Variants in HTR2C observed in about 807,000 individuals in gnomAD.
HTR2C encodes 5-hydroxytryptamine receptor 2C, also known as 5-hydroxytryptamine (serotonin) receptor 2C, G protein-coupled.
HTR2C carries 5 observed loss-of-function variants against 21.0 expected under a neutral mutation model. The observed-to-expected ratio is 0.24, with a 90% CI of 0.12 to 0.50. HTR2C has a LOEUF of 0.50. Among genes scored for constraint, HTR2C ranks in the 20% least tolerant of loss-of-function variants. The probability of loss-of-function intolerance (pLI) is 0.98; values close to 1 mark genes in which losing one functional copy is unlikely to be tolerated. For missense variants in HTR2C, 271 were observed against 371.2 expected (o/e 0.73, Z 2.22); for synonymous variants, 150 against 145.3 (o/e 1.03, Z -0.23).
chrX:114,834,761 G>A (rs1229164745), intron 4 of HTR2C, among the ~76,000 whole-genome samples: 1 of 105,658 alleles, frequency 9.5e-6, no homozygotes, highest in Non-Finnish European at 1.9e-5. Context: ...ATGTTAGCTG[G>A]GTATTTTGCT....
intron 2 of HTR2C, among the ~76,000 whole-genome samples, chrX:114,644,162 G>A (rs1930243882): frequency 9.4e-6 from 1 of 105,911 alleles, no homozygotes; most frequent in Non-Finnish European, 1.9e-5. Flanking sequence ...GGCCAACATG[G>A]TGAAACCCCA....
chrX:114,906,541 C>T, intron 5 of HTR2C, 48 bp from the exon 6 acceptor site: 1 of 907,104 alleles, frequency 1.1e-6, no homozygotes, highest in Non-Finnish European at 1.6e-6. Flanking sequence ...TACATCTGTT[C>T]AGTCCTTCAA....
At chrX:114,817,518 C>G (rs1400468519) in intron 4 of HTR2C, among the ~76,000 whole-genome samples, 1 of 111,851 alleles carries the variant, frequency 8.9e-6, no homozygotes, top group Non-Finnish European at 1.9e-5. Context: ...CTTGCAGCAA[C>G]CCAGAATGTG....
chrX:114,717,254 G>A (rs907802458), intron 2 of HTR2C, among the ~76,000 whole-genome samples: 41 of 110,843 alleles, frequency 3.7e-4, no homozygotes, highest in African/African-American at 1.2e-3. Flanking sequence ...TGTATTTTTT[G>A]TAGACATGGG....
intron 2 of HTR2C, among the ~76,000 whole-genome samples, chrX:114,646,077 A>G (rs1930348980): frequency 1.8e-5 from 2 of 112,357 alleles, no homozygotes; most frequent in Non-Finnish European, 3.8e-5. Context: ...TCTTAAAACC[A>G]TTATGGGAGT....
chrX:114,876,999 G>T (rs1194803083), intron 5 of HTR2C, among the ~76,000 whole-genome samples: 1 of 111,242 alleles, frequency 9.0e-6, no homozygotes, highest in Non-Finnish European at 1.9e-5. Context: ...TGAATTTTGT[G>T]AACAAGTTTG....
In HTR2C at chrX:114,584,433, G is replaced by A. The variant is rs201865977; in HGVS notation, c.-373G>A. 1 of 112,914 alleles carries A rather than the reference G, an allele frequency of 8.9e-6. No homozygotes were observed. The allele number at this position is 112,914 out of a possible 1,213,427, so 9.3% of individuals were successfully genotyped here. ...GGAGCGAAAAGAGCCAAACCTAGCCGGGGGGCGCACGGTCACCCAAAGGAG... is the reference window on the plus strand; with the variant it reads ...GGAGCGAAAAGAGCCAAACCTAGCCAGGGGGCGCACGGTCACCCAAAGGAG... On this transcript the variant is annotated 5_prime_UTR_variant, in exon 1 of 6. Transcript: ENST00000276198.
At chrX:114,680,338 CT>C (rs1170396868) in intron 2 of HTR2C, among the ~76,000 whole-genome samples, 2 of 112,008 alleles carry the variant, frequency 1.8e-5, no homozygotes, top group African/African-American at 6.5e-5. Context: ...CCGGCGGAGC[CT>C]GATAATTAAA....
chrX:114,881,509 T>G (rs782475876), intron 5 of HTR2C, among the ~76,000 whole-genome samples: 8 of 109,374 alleles, frequency 7.3e-5, no homozygotes, highest in Non-Finnish European at 1.5e-4. Context: ...GGTTTTTTTT[T>G]TTCTGTGAAT....
rs4911870 is a variant in HTR2C at position 114,762,298 on chromosome X, A to C, written c.349+30691A>C. Among the ~76,000 whole-genome samples, 967 of 110,525 alleles carry C rather than the reference A, an allele frequency of 8.7e-3. 44 individuals carry two copies. Among genetic ancestry groups the C allele is most frequent in the Admixed American group, 0.086 (876 of 10,224 alleles). On this transcript the variant is annotated intron_variant, in intron 4 of 5. Coordinates refer to ENST00000276198, the MANE Select transcript of HTR2C (RefSeq NM_000868.4). ...GTTTGGGAATGGATCTAGAAAGTGT[A>C]GATCCATCATATTTTCCACTGTCAT...
chrX:114,708,144 T>G (rs1166205673), intron 2 of HTR2C, among the ~76,000 whole-genome samples: 1 of 111,568 alleles, frequency 9.0e-6, no homozygotes, highest in Non-Finnish European at 1.9e-5. Flanking sequence ...AATCTCAAAA[T>G]AATCACATAA....
chrX:114,900,176 C>CA (rs1302726144), intron 5 of HTR2C, among the ~76,000 whole-genome samples: 38 of 109,379 alleles, frequency 3.5e-4, no homozygotes, highest in African/African-American at 1.2e-3. Flanking sequence ...CTGCCACATG[C>CA]AAAAAAAAGG....
At chrX:114,868,908 G>A (rs1371207322) in intron 5 of HTR2C, among the ~76,000 whole-genome samples, 2 of 109,845 alleles carry the variant, frequency 1.8e-5, no homozygotes, top group East Asian at 5.8e-4. Flanking sequence ...TTGATACATA[G>A]GTATACATGT....
intron 2 of HTR2C, among the ~76,000 whole-genome samples, chrX:114,641,059 TCTTTTCTTTTC>T (rs1286486919): frequency 2.9e-3 from 301 of 102,113 alleles, no homozygotes; most frequent in African/African-American, 0.011. Context: ...TTTCTTTTTT[TCTTTTCTTTTC>T]TTTTCTTTTC....
At chrX:114,719,148 T>A (rs1053020360) in intron 2 of HTR2C, among the ~76,000 whole-genome samples, 1 of 108,116 alleles carries the variant, frequency 9.2e-6, no homozygotes, top group African/African-American at 3.3e-5. Flanking sequence ...AATTATTCCG[T>A]CAATTATCTC....
chrX:114,696,324 A>G (rs1932274668), intron 2 of HTR2C, among the ~76,000 whole-genome samples: 1 of 111,645 alleles, frequency 9.0e-6, no homozygotes, highest in South Asian at 3.8e-4. Flanking sequence ...TATCTGTTTT[A>G]CCTTCTTCCT....
At chrX:114,766,199 T>A (rs782271868) in intron 4 of HTR2C, among the ~76,000 whole-genome samples, 3 of 111,708 alleles carry the variant, frequency 2.7e-5, no homozygotes, top group Non-Finnish European at 5.7e-5. Context: ...TACCTAGTTA[T>A]GCCACTTTGA....
chrX:114,705,770 G>C (rs1211675757), intron 2 of HTR2C, among the ~76,000 whole-genome samples: 4 of 70,712 alleles, frequency 5.7e-5, no homozygotes, highest in African/African-American at 9.2e-5. Flanking sequence ...AGTGAACAGG[G>C]AACCTACAGA....
chrX:114,707,325 G>A (rs1216434204), intron 2 of HTR2C, among the ~76,000 whole-genome samples: 1 of 111,307 alleles, frequency 9.0e-6, no homozygotes, highest in Non-Finnish European at 1.9e-5. Context: ...AGAGAAAGAG[G>A]TGAGAGGATG....
Sources: gnomAD v4.1 joint callset for allele counts (sites outside exome capture counted in the v4.1 genomes callset) on GRCh38, gnomAD v4.1.1 for gene constraint, MANE v1.5 for transcripts, NCBI Gene and HGNC (gene_info 2026-07-23, HGNC 2026-07-21) for gene names.